Variants in MXI1 observed in about 807,000 individuals in gnomAD.
MXI1 encodes max-interacting protein 1.
A neutral mutation model predicts 36.9 loss-of-function variants in MXI1; 18 were observed. The observed-to-expected ratio is 0.49, with a 90% CI of 0.34 to 0.72. MXI1 has a LOEUF of 0.72. Among genes scored for constraint, MXI1 ranks in the 30% least tolerant of loss-of-function variants. The probability of loss-of-function intolerance (pLI) is 0.01; values close to 1 mark genes in which losing one functional copy is unlikely to be tolerated. For missense variants in MXI1, 304 were observed against 379.1 expected, an observed-to-expected ratio of 0.80 and a Z score of 1.64; for synonymous variants, 160 against 146.7, an observed-to-expected ratio of 1.09 and a Z score of -0.65.
At chr10:110,210,421 A>T (rs1468713745) in intron 1 of MXI1, 2 of 412,988 alleles carry the variant, frequency 4.8e-6, no homozygotes, top group African/African-American at 2.2e-5. Flanking sequence ...TTTGGCTCTA[A>T]ATGACGTGAT....
intron 5 of MXI1, among the ~76,000 whole-genome samples, chr10:110,281,084 G>A (rs545007176): frequency 6.6e-6 from 1 of 152,002 alleles, no homozygotes; most frequent in Non-Finnish European, 1.5e-5. Context: ...CTCTGATTTT[G>A]TTTTTTGTTT....
chr10:110,283,226 A>G (rs1328278822), intron 5 of MXI1, among the ~76,000 whole-genome samples: 2 of 151,862 alleles, frequency 1.3e-5, no homozygotes, highest in Non-Finnish European at 2.9e-5. Flanking sequence ...ATTCCTGGAA[A>G]TAGCTTCACC....
intron 3 of MXI1, chr10:110,245,662 C>G (rs1855835852): frequency 6.6e-6 from 1 of 152,048 alleles, no homozygotes; most frequent in Non-Finnish European, 1.5e-5. Flanking sequence ...CTTCCTGAGA[C>G]CCATAGGGAG....
At chr10:110,232,959 A>G (rs1466124155) in intron 2 of MXI1, among the ~76,000 whole-genome samples, 1 of 152,274 alleles carries the variant, frequency 6.6e-6, no homozygotes, top group Non-Finnish European at 1.5e-5. Flanking sequence ...AAATAATACC[A>G]AACTTGCATA....
intron 2 of MXI1, among the ~76,000 whole-genome samples, chr10:110,244,162 G>A (rs1423830935): frequency 6.6e-6 from 1 of 151,992 alleles, no homozygotes; most frequent in African/African-American, 2.4e-5. Context: ...AACAAATAAT[G>A]AGAAACAAAA....
intron 1 of MXI1, chr10:110,225,929 G>C (rs1402185950): frequency 2.4e-6 from 2 of 826,240 alleles, no homozygotes; most frequent in Non-Finnish European, 2.9e-6. Flanking sequence ...AGGGGGCAGA[G>C]GCAGGGGCGG....
intron 2 of MXI1, among the ~76,000 whole-genome samples, chr10:110,244,427 T>C (rs958870008): frequency 2.6e-5 from 4 of 151,878 alleles, no homozygotes; most frequent in Non-Finnish European, 5.9e-5. Flanking sequence ...TAGAAGTGGG[T>C]AGATGGAGAT....
chr10:110,210,355 C>T, intron 1 of MXI1: 1 of 914,138 alleles, frequency 1.1e-6, no homozygotes, highest in Non-Finnish European at 1.3e-6. Flanking sequence ...CCCCCTCCTC[C>T]GGCCGGCTCC....
At chr10:110,274,079 A>C (rs980097508) in intron 3 of MXI1, among the ~76,000 whole-genome samples, 1 of 152,182 alleles carries the variant, frequency 6.6e-6, no homozygotes, top group Non-Finnish European at 1.5e-5. Context: ...GCCATTTTAT[A>C]CCAAAATCAT....
At chr10:110,228,748 AT>A (rs1855152850) in intron 2 of MXI1, among the ~76,000 whole-genome samples, 2 of 152,290 alleles carry the variant, frequency 1.3e-5, no homozygotes, top group South Asian at 4.1e-4. Context: ...TTTAGGTAGA[AT>A]TGGTAGTGAG....
intron 1 of MXI1, among the ~76,000 whole-genome samples, chr10:110,216,665 G>GTTTTTTTTTTTTTTCTTTTTT (rs1854646517): frequency 1.3e-5 from 1 of 79,060 alleles, no homozygotes; most frequent in African/African-American, 8.0e-5. Flanking sequence ...TGTGTTTAAT[G>GTTTTTTTTTTTTTTCTTTTTT]TTTTTTTTTT....
intron 3 of MXI1, among the ~76,000 whole-genome samples, chr10:110,258,618 C>A (rs1856397728): frequency 6.6e-6 from 1 of 152,016 alleles, no homozygotes; most frequent in Non-Finnish European, 1.5e-5. Context: ...ATACTGAAAA[C>A]TGTAGACCAA....
chr10:110,235,294 T>C (rs1468442693), intron 2 of MXI1, among the ~76,000 whole-genome samples: 1 of 152,208 alleles, frequency 6.6e-6, no homozygotes, highest in Non-Finnish European at 1.5e-5. Context: ...TACTGTTTAT[T>C]ATTAATCACC....
chr10:110,281,170 T>C (rs935566874), intron 5 of MXI1, among the ~76,000 whole-genome samples: 2 of 152,222 alleles, frequency 1.3e-5, no homozygotes, highest in African/African-American at 4.8e-5. Context: ...CCATTCAGTT[T>C]GAATAGCTGT....
chr10:110,231,311 G>C (rs2134362556), intron 2 of MXI1, among the ~76,000 whole-genome samples: 1 of 151,738 alleles, frequency 6.6e-6, no homozygotes, highest in South Asian at 2.1e-4. Flanking sequence ...AGGTTGCAGT[G>C]AGCTGAGATT....
chr10:110,279,851 G>C, intron 4 of MXI1, 63 bp from the exon 5 acceptor site: 2 of 1,242,896 alleles, frequency 1.6e-6, no homozygotes, highest in Non-Finnish European at 2.2e-6. Context: ...TGCTAAAGGA[G>C]GAATCAGTTT....
At chr10:110,263,761 A>G (rs990628608) in intron 3 of MXI1, among the ~76,000 whole-genome samples, 4 of 151,962 alleles carry the variant, frequency 2.6e-5, no homozygotes, top group Non-Finnish European at 4.4e-5. Flanking sequence ...TGTTAATCCT[A>G]TTTTCCTTCT....
chr10:110,270,340 T>G (rs1231766443), intron 3 of MXI1, among the ~76,000 whole-genome samples: 1 of 152,156 alleles, frequency 6.6e-6, no homozygotes, highest in African/African-American at 2.4e-5. Flanking sequence ...TAGCACAGAA[T>G]GGATGTCAAG....
chr10:110,266,892 A>G (rs1286270779), intron 3 of MXI1, among the ~76,000 whole-genome samples: 4 of 152,184 alleles, frequency 2.6e-5, no homozygotes, highest in Non-Finnish European at 4.4e-5. Flanking sequence ...AAGCTTCCCT[A>G]AAAACTAAGA....
Sources: gnomAD v4.1 joint callset for allele counts (sites outside exome capture counted in the v4.1 genomes callset) on GRCh38, gnomAD v4.1.1 for gene constraint, MANE v1.5 for transcripts, NCBI Gene and HGNC (gene_info 2026-07-23, HGNC 2026-07-21) for gene names.